The following GPR149 variants were observed in gnomAD, a reference collection of about 807,000 sequenced individuals.
GPR149 encodes probable G protein-coupled receptor 149.
In GPR149, 50 loss-of-function variants were observed where a neutral mutation model predicts 50.2. The observed-to-expected ratio is 1.00, with a 90% CI of 0.79 to 1.26. The LOEUF (loss-of-function observed/expected upper bound fraction) is 1.26, where lower values mean the gene tolerates loss of function less well. Among genes scored for constraint, GPR149 ranks in the 50% most tolerant of loss-of-function variants. The pLI, the probability that GPR149 is intolerant of heterozygous loss-of-function variation, is 0.00. For missense variants in GPR149, 983 were observed against 895.4 expected, an observed-to-expected ratio of 1.10 and a Z score of -1.25; for synonymous variants, 405 against 358.2, an observed-to-expected ratio of 1.13 and a Z score of -1.48.
intron 3 of GPR149, among the ~76,000 whole-genome samples, chr3:154,354,992 T>G (rs1714184368): frequency 6.6e-6 from 1 of 152,190 alleles, no homozygotes; most frequent in Non-Finnish European, 1.5e-5. Flanking sequence ...AAACGTAAGC[T>G]TCTGAAATGA....
At chr3:154,420,981 A>G in intron 3 of GPR149, 58 bp downstream of exon 3, 1 of 1,232,046 alleles carries the variant, frequency 8.1e-7, no homozygotes, top group South Asian at 1.5e-5. Context: ...AATGTTTTTC[A>G]TGACTATCAT....
intron 3 of GPR149, among the ~76,000 whole-genome samples, chr3:154,397,200 G>T (rs1715313240): frequency 6.6e-6 from 1 of 152,108 alleles, no homozygotes; most frequent in Admixed American, 6.6e-5. Context: ...GAGGTGTCTG[G>T]TAAAGGACAG....
At chr3:154,392,363 A>AAAAC (rs71155010) in intron 3 of GPR149, among the ~76,000 whole-genome samples, 97,331 of 150,062 alleles carry the variant, frequency 0.65, 31,847 homozygotes, top group East Asian at 0.79. Context: ...AAGACAAATG[A>AAAAC]AAACAAACAA....
chr3:154,374,715 G>A (rs1330332443), intron 3 of GPR149, among the ~76,000 whole-genome samples: 1 of 152,116 alleles, frequency 6.6e-6, no homozygotes, highest in Admixed American at 6.5e-5. Flanking sequence ...AGAAATCATG[G>A]CAAATCTTAT....
At chr3:154,374,053 T>C (rs534236100) in intron 3 of GPR149, among the ~76,000 whole-genome samples, 1 of 152,278 alleles carries the variant, frequency 6.6e-6, no homozygotes, top group South Asian at 2.1e-4. Context: ...TTAGAGTTTG[T>C]TTTCCTGACC....
At chr3:154,410,648 C>G (rs902033153) in intron 3 of GPR149, among the ~76,000 whole-genome samples, 2 of 152,104 alleles carry the variant, frequency 1.3e-5, no homozygotes, top group Non-Finnish European at 2.9e-5. Context: ...TATCACAATT[C>G]TAAATATACA....
At chr3:154,362,793 G>A (rs1714443843) in intron 3 of GPR149, among the ~76,000 whole-genome samples, 7 of 151,956 alleles carry the variant, frequency 4.6e-5, no homozygotes, top group Admixed American at 4.6e-4. Context: ...TTGTATTCAT[G>A]ATTTGCATAC....
intron 3 of GPR149, among the ~76,000 whole-genome samples, chr3:154,378,905 G>T (rs985102867): frequency 1.3e-5 from 2 of 151,910 alleles, no homozygotes; most frequent in African/African-American, 4.8e-5. Context: ...GCTAAATTAG[G>T]TTGTCTGGTT....
intron 2 of GPR149, among the ~76,000 whole-genome samples, chr3:154,424,150 C>T (rs1253879192): frequency 4.0e-5 from 6 of 151,886 alleles, no homozygotes; most frequent in East Asian, 1.9e-4. Context: ...CTTAAAATTT[C>T]GGTCCATAAT....
chr3:154,367,483 AT>A (rs1714557532), intron 3 of GPR149, among the ~76,000 whole-genome samples: 1 of 152,190 alleles, frequency 6.6e-6, no homozygotes, highest in East Asian at 1.9e-4. Context: ...CTGCAAGGTC[AT>A]AAAGTAGATA....
intron 3 of GPR149, among the ~76,000 whole-genome samples, chr3:154,408,625 T>C (rs1173769134): frequency 1.3e-5 from 2 of 152,140 alleles, no homozygotes; most frequent in Non-Finnish European, 2.9e-5. Flanking sequence ...CTTGGGAATA[T>C]AACTCCATTG....
At chr3:154,358,145 T>TG (rs1273149018) in intron 3 of GPR149, among the ~76,000 whole-genome samples, 3 of 125,000 alleles carry the variant, frequency 2.4e-5, no homozygotes, top group Non-Finnish European at 5.0e-5. Flanking sequence ...TGTTGTGGGG[T>TG]GGGGGGTGTG....
rs562816961 is a variant in GPR149 at position 154,380,461 on chromosome 3, G to A, written c.1623+40578C>T. Among the ~76,000 whole-genome samples the A allele has an allele frequency of 4.1e-4, 62 of 152,220 alleles. 2 individuals carry two copies. The highest frequency in any genetic ancestry group is 2.2e-3 in the Admixed American group (34 of 15,274). ...AGGAAGACAACAAAATAAAGTTAAC[G>A]AGAAAGGCACAAACCATATTTTGCA... is the stretch of plus-strand genomic sequence containing the variant. On this transcript the variant is annotated intron_variant, in intron 3 of 3. Coordinates refer to ENST00000389740, the MANE Select transcript of GPR149 (RefSeq NM_001038705.3).
At chr3:154,392,922 G>A (rs1484065152) in intron 3 of GPR149, among the ~76,000 whole-genome samples, 1 of 151,802 alleles carries the variant, frequency 6.6e-6, no homozygotes, top group East Asian at 1.9e-4. Context: ...CCCAGTGGAG[G>A]GATTGAAATA....
At position 154,428,948 on chromosome 3, in the gene GPR149, G is replaced by A. The variant is rs1301328243; in HGVS notation, c.668C>T (p.Pro223Leu). ...THRLLCSEEPPRLHSNYQEIS... is the reference protein window; with the variant it reads ...THRLLCSEEPLRLHSNYQEIS... The stretch of plus-strand genomic sequence containing the variant: ...TTCCTGGTAGTTGGAGTGGAGTCTC[G>A]GCGGCTCCTCCGAACACAGCAATCG... The change falls in exon 1 of 4, where the codon CCG becomes CTG. Residue 223 changes from proline to leucine, a missense_variant. Transcript: ENST00000389740. 6.2e-7 allele frequency: 1 copy of A among 1,613,922 alleles called. No homozygotes were observed. The highest frequency in any genetic ancestry group is 1.3e-5 in the African/African-American group (1 of 74,986).
At chr3:154,422,153 A>G (rs2108430164) in intron 2 of GPR149, among the ~76,000 whole-genome samples, 1 of 151,744 alleles carries the variant, frequency 6.6e-6, no homozygotes, top group South Asian at 2.1e-4. Context: ...GCACTTTACA[A>G]TGTCTATAAA....
rs1712432929 is a variant in GPR149 at position 154,429,708 on chromosome 3, C to T, written c.-93G>A. The T allele has an allele frequency of 8.7e-7, 1 of 1,144,422 alleles. No individual in the cohort carries two copies. The highest frequency in any genetic ancestry group is 1.3e-6 in the Non-Finnish European group (1 of 792,514). The allele number at this position is 1,144,422 out of a possible 1,614,324, so 70.9% of individuals were successfully genotyped here. On this transcript the variant is annotated 5_prime_UTR_variant, in exon 1 of 4. Coordinates refer to ENST00000389740, the MANE Select transcript of GPR149 (RefSeq NM_001038705.3). ...TGCTGCAAATCAGATTTCATTCCTC[C>T]TACCAAGTTCCCCTCTAGATGTTCT...
At chr3:154,421,004 T>C (rs1221599099) in intron 3 of GPR149, 35 bp downstream of exon 3, 5 of 1,464,820 alleles carry the variant, frequency 3.4e-6, no homozygotes, top group Non-Finnish European at 4.6e-6. Context: ...TTAGTATCAC[T>C]TTCAATTTAA....
At chr3:154,418,493 T>G (rs1216266546) in intron 3 of GPR149, among the ~76,000 whole-genome samples, 2 of 82,366 alleles carry the variant, frequency 2.4e-5, no homozygotes, top group Admixed American at 1.1e-4. Flanking sequence ...CCATAAAAAA[T>G]GATGAGTTCA....
Sources: gnomAD v4.1 joint callset for allele counts (sites outside exome capture counted in the v4.1 genomes callset) on GRCh38, gnomAD v4.1.1 for gene constraint, MANE v1.5 for transcripts, NCBI Gene and HGNC (gene_info 2026-07-23, HGNC 2026-07-21) for gene names.